The following TRPC4 variants were observed in gnomAD, a reference collection of about 807,000 sequenced individuals.
TRPC4 encodes short transient receptor potential channel 4.
TRPC4 carries 49 observed loss-of-function variants against 99.4 expected under a neutral mutation model. The observed-to-expected ratio is 0.49, with a 90% CI of 0.39 to 0.63. TRPC4 has a LOEUF of 0.63. Ranked by LOEUF, TRPC4 falls within the 20% of genes least tolerant of loss-of-function variation. TRPC4 has a pLI of 0.00. For synonymous variants in TRPC4, 454 were observed against 425.9 expected, an observed-to-expected ratio of 1.07 and a Z score of -0.81; for missense variants, 898 against 1,152.9, an observed-to-expected ratio of 0.78 and a Z score of 3.20.
chr13:37,810,924 C>G (rs944011018), intron 1 of TRPC4, among the ~76,000 whole-genome samples: 6 of 152,024 alleles, frequency 3.9e-5, no homozygotes, highest in Non-Finnish European at 8.8e-5. Context: ...AGTTATAGCA[C>G]ATGTTCTATT....
In TRPC4 at chr13:37,734,723, G is replaced by T. The variant is rs999923927; in HGVS notation, c.897+11214C>A. Among the ~76,000 whole-genome samples, 16 of 152,258 alleles carry T rather than the reference G, an allele frequency of 1.1e-4. 1 individual carries two copies. Among genetic ancestry groups the T allele is most frequent in the Admixed American group, 1.0e-3 (16 of 15,272 alleles). On this transcript the variant is annotated intron_variant, in intron 3 of 10. Coordinates refer to ENST00000379705, the MANE Select transcript of TRPC4 (RefSeq NM_016179.4). ...GAAAAGGGTAAAAAGAGGTTTCAGG[G>T]CTACATGTCCCGGAGCTGCCTGGGA...
At chr13:37,637,891 C>T (rs767391462) in intron 10 of TRPC4, among the ~76,000 whole-genome samples, 8 of 152,150 alleles carry the variant, frequency 5.3e-5, no homozygotes, top group Non-Finnish European at 8.8e-5. Flanking sequence ...CACCAACGTG[C>T]AGCTGAGTAT....
intron 1 of TRPC4, among the ~76,000 whole-genome samples, chr13:37,853,335 C>T (rs1959104993): frequency 6.6e-6 from 1 of 152,154 alleles, no homozygotes; most frequent in Non-Finnish European, 1.5e-5. Flanking sequence ...AGAATTACTA[C>T]AGATCTTATT....
intron 3 of TRPC4, among the ~76,000 whole-genome samples, chr13:37,695,742 T>C (rs955211237): frequency 3.3e-5 from 5 of 152,232 alleles, no homozygotes; most frequent in African/African-American, 4.8e-5. Flanking sequence ...TTATTATTTA[T>C]AGAATCACTG....
intron 1 of TRPC4, among the ~76,000 whole-genome samples, chr13:37,835,639 G>A (rs1024089828): frequency 1.3e-4 from 20 of 152,156 alleles, no homozygotes; most frequent in African/African-American, 4.6e-4. Flanking sequence ...TGACATGACA[G>A]TGACAAAGAA....
At chr13:37,739,794 G>A (rs1334269079) in intron 3 of TRPC4, among the ~76,000 whole-genome samples, 1 of 151,988 alleles carries the variant, frequency 6.6e-6, no homozygotes, top group Non-Finnish European at 1.5e-5. Flanking sequence ...GTGAGCCACT[G>A]CAGCTGGCCA....
intron 5 of TRPC4, among the ~76,000 whole-genome samples, chr13:37,666,748 G>A (rs1374741281): frequency 2.0e-5 from 3 of 151,844 alleles, no homozygotes; most frequent in Non-Finnish European, 4.4e-5. Flanking sequence ...TTTCATCTTC[G>A]CATGTTTGTC....
Position 37,663,547 on chromosome 13 carries a change from A to G in TRPC4, c.1557T>C (p.Phe519=). ...GCAACACAAGGCAGTATATGAATAG[A>G]AACTTCAAAATGTCCAGGAGCATTC... The part of the protein sequence containing the change: ...LGRMLLDILK[F]LFIYCLVLLA... Residue 519 remains phenylalanine, a synonymous_variant, in exon 6 of 11, where the codon TTT becomes TTC. Transcript: ENST00000379705. The G allele has an allele frequency of 6.2e-7, 1 of 1,614,240 alleles. No homozygotes were observed.
At chr13:37,656,646 A>G (rs1952247656) in intron 6 of TRPC4, among the ~76,000 whole-genome samples, 1 of 152,222 alleles carries the variant, frequency 6.6e-6, no homozygotes. Context: ...AGTTTGCCTT[A>G]AAAATATCAA....
At chr13:37,763,594 T>C (rs1956282061) in intron 2 of TRPC4, among the ~76,000 whole-genome samples, 1 of 151,684 alleles carries the variant, frequency 6.6e-6, no homozygotes, top group African/African-American at 2.4e-5. Context: ...GAAATGGTTA[T>C]ATGCTTTCCT....
At chr13:37,807,939 CT>C (rs1221988000) in intron 1 of TRPC4, among the ~76,000 whole-genome samples, 2 of 152,050 alleles carry the variant, frequency 1.3e-5, no homozygotes, top group Non-Finnish European at 2.9e-5. Flanking sequence ...TTCTGACACC[CT>C]TGTGGTCATA....
intron 4 of TRPC4, among the ~76,000 whole-genome samples, chr13:37,675,373 G>C (rs142163388): frequency 1.3e-5 from 2 of 152,164 alleles, no homozygotes; most frequent in African/African-American, 4.8e-5. Flanking sequence ...CTGCGGCAGA[G>C]TATGCAAGGA....
intron 2 of TRPC4, among the ~76,000 whole-genome samples, chr13:37,774,215 A>G (rs186367405): frequency 6.6e-6 from 1 of 151,866 alleles, no homozygotes; most frequent in East Asian, 2.0e-4. Flanking sequence ...CATCCAGTTG[A>G]CAAATTTACA....
intron 1 of TRPC4, among the ~76,000 whole-genome samples, chr13:37,858,749 G>A (rs1959194975): frequency 6.6e-6 from 1 of 151,472 alleles, no homozygotes; most frequent in Non-Finnish European, 1.5e-5. Flanking sequence ...AACACATGGA[G>A]ATAAAGAGTA....
intron 1 of TRPC4, among the ~76,000 whole-genome samples, chr13:37,839,657 A>C (rs1303213306): frequency 1.3e-5 from 2 of 152,184 alleles, no homozygotes; most frequent in Non-Finnish European, 2.9e-5. Flanking sequence ...TTCAGTTTAT[A>C]GATGAGAAAC....
intron 1 of TRPC4, among the ~76,000 whole-genome samples, chr13:37,865,065 G>A (rs889506835): frequency 2.0e-5 from 3 of 151,706 alleles, no homozygotes; most frequent in African/African-American, 4.8e-5. Context: ...CAACCTCAAT[G>A]TCAATAGGTT....
At position 37,705,380 on chromosome 13, in the gene TRPC4, G is replaced by A. The variant is rs1216970493; in HGVS notation, c.898-13045C>T. The stretch of plus-strand genomic sequence containing the variant: ...GTTTAAGACATTTTTTGTATAATGT[G>A]GTGACTATAGCTAATAACAATGTAT... On this transcript the variant is annotated intron_variant, in intron 3 of 10. Coordinates refer to ENST00000379705, the MANE Select transcript of TRPC4 (RefSeq NM_016179.4). Among the ~76,000 whole-genome samples, 3 of 151,878 alleles carry A rather than the reference G, an allele frequency of 2.0e-5. No homozygotes were observed. The East Asian group carries it at 5.8e-4, about 29-fold the overall frequency.
chr13:37,769,225 T>C (rs552571254), intron 2 of TRPC4, among the ~76,000 whole-genome samples: 1 of 151,466 alleles, frequency 6.6e-6, no homozygotes, highest in African/African-American at 2.4e-5. Context: ...TTTGAAACTA[T>C]ACATATATTT....
chr13:37,784,510 G>A (rs1956922990), intron 1 of TRPC4, among the ~76,000 whole-genome samples: 1 of 151,872 alleles, frequency 6.6e-6, no homozygotes. Context: ...AGTTCCTCTT[G>A]CATACTTATT....
Sources: allele counts gnomAD v4.1 joint callset (sites outside exome capture counted in the v4.1 genomes callset), GRCh38; gene constraint gnomAD v4.1.1; transcripts MANE v1.5; gene names NCBI Gene and HGNC (gene_info 2026-07-23, HGNC 2026-07-21).